TTC28: variants seen among roughly 807,000 people sequenced by gnomAD.
The protein encoded by TTC28 is tetratricopeptide repeat domain 28, also known as tetratricopeptide repeat protein 28.
A neutral mutation model predicts 198.0 loss-of-function variants in TTC28; 61 were observed. The observed-to-expected ratio is 0.31, with a 90% CI of 0.25 to 0.38. TTC28 has a LOEUF of 0.38. Among genes scored for constraint, TTC28 ranks in the 10% least tolerant of loss-of-function variants. The pLI is 1.00. For missense variants in TTC28, 2,678 were observed against 3,164.0 expected (o/e 0.85, Z 3.69); for synonymous variants, 1,171 against 1,297.8 (o/e 0.90, Z 2.10).
intron 5 of TTC28, among the ~76,000 whole-genome samples, chr22:28,263,846 G>A (rs559554693): frequency 6.6e-6 from 1 of 152,198 alleles, no homozygotes; most frequent in South Asian, 2.1e-4. Flanking sequence ...GTAAATGATA[G>A]TGGAAAGGCA....
At chr22:28,313,524 C>A (rs982841829) in intron 2 of TTC28, among the ~76,000 whole-genome samples, 2 of 152,112 alleles carry the variant, frequency 1.3e-5, no homozygotes. Context: ...ACAATCAAGA[C>A]GGCTTCATCC....
rs60298528 is a variant in TTC28, at chr22:28,380,540, T to C, written c.382-73897A>G. 7.5e-3 allele frequency among the ~76,000 whole-genome samples: 1,135 copies of C among 152,292 alleles called. 18 individuals carry two copies. The highest frequency in any genetic ancestry group is 0.026 in the African/African-American group (1,083 of 41,578). Reference sequence around the variant, plus strand: ...AGGACTGGTTTGTGTAATTCTTATGTTGGGTACAAAATCCAGTCTCTTATA... The same window carrying C: ...AGGACTGGTTTGTGTAATTCTTATGCTGGGTACAAAATCCAGTCTCTTATA... On this transcript the variant is annotated intron_variant, in intron 2 of 22. Transcript: ENST00000397906.
At chr22:28,569,678 G>A (rs1462981358) in intron 2 of TTC28, among the ~76,000 whole-genome samples, 1 of 152,042 alleles carries the variant, frequency 6.6e-6, no homozygotes, top group African/African-American at 2.4e-5. Context: ...GACTCCAAAA[G>A]CAATTGCAAC....
Position 28,497,732 on chromosome 22 carries a change from A to G in TTC28, c.381+131820T>C, listed in dbSNP as rs2048477062. The stretch of plus-strand genomic sequence containing the variant: ...AGTTAAATCTTAAACTTCAGTAACT[A>G]AAAATCAATAGATAACTGCTAAAAC... On this transcript the variant is annotated intron_variant, in intron 2 of 22. Coordinates refer to ENST00000397906, the MANE Select transcript of TTC28 (RefSeq NM_001145418.2). Among the ~76,000 whole-genome samples, 12 of 152,322 alleles carry G rather than the reference A, an allele frequency of 7.9e-5. No homozygotes were observed. In the South Asian group the frequency reaches 2.3e-3, roughly 29 times the overall value.
chr22:27,982,147 C>T lies in TTC28; in HGVS notation c.*74G>A. The stretch of plus-strand genomic sequence containing the variant: ...TGCTGGTGGCTGTGGGGGGACTGCA[C>T]TCAGGGAAGGGCTGAAGCAAACGCC... On this transcript the variant is annotated 3_prime_UTR_variant, in exon 23 of 23. Coordinates refer to ENST00000397906, the MANE Select transcript of TTC28 (RefSeq NM_001145418.2). This position sits in a 1 kb window ranked among gnomAD's most constrained non-coding sequence, Gnocchi z 5.2. The T allele has an allele frequency of 7.1e-7, 1 of 1,416,200 alleles. No individual in the cohort carries two copies. The highest frequency in any genetic ancestry group is 1.4e-5 in the African/African-American group (1 of 69,032). The allele number at this position is 1,416,200 out of a possible 1,614,324, so 87.7% of individuals were successfully genotyped here. A position where few individuals can be genotyped will look rare whatever the true frequency, so the allele number is the denominator to read the frequency against.
At chr22:28,145,784 T>A (rs146869566) in intron 6 of TTC28, among the ~76,000 whole-genome samples, 5 of 152,348 alleles carry the variant, frequency 3.3e-5, no homozygotes, top group African/African-American at 1.2e-4. Flanking sequence ...TTTCGACATA[T>A]GATACAAACT....
At chr22:28,652,263 C>T (rs1307943169) in intron 1 of TTC28, among the ~76,000 whole-genome samples, 2 of 152,172 alleles carry the variant, frequency 1.3e-5, no homozygotes, top group African/African-American at 4.8e-5. Context: ...ACAGATAATG[C>T]TTGGTGTACA....
chr22:28,189,269 A>G (rs908012392), intron 5 of TTC28, among the ~76,000 whole-genome samples: 1 of 152,194 alleles, frequency 6.6e-6, no homozygotes, highest in Non-Finnish European at 1.5e-5. Context: ...CAAAAGGAAC[A>G]TTCAGAAAAC....
chr22:28,444,181 T>C (rs997965173), intron 2 of TTC28, among the ~76,000 whole-genome samples: 1 of 152,210 alleles, frequency 6.6e-6, no homozygotes, highest in African/African-American at 2.4e-5. Context: ...AACATGTCTG[T>C]CAACTCCTAA....
At chr22:27,992,515 G>A in intron 19 of TTC28, 72 bp downstream of exon 19, 1 of 1,485,356 alleles carries the variant, frequency 6.7e-7, no homozygotes, top group South Asian at 1.2e-5. Flanking sequence ...TCCTATTTAG[G>A]GCCAAGTTGC....
chr22:28,048,664 CAG>C (rs1343166318), intron 12 of TTC28, among the ~76,000 whole-genome samples: 1 of 152,144 alleles, frequency 6.6e-6, no homozygotes, highest in Non-Finnish European at 1.5e-5. Flanking sequence ...GAGGACAGTG[CAG>C]AGTCTGGTGT....
intron 5 of TTC28, among the ~76,000 whole-genome samples, chr22:28,234,670 G>A (rs1187731900): frequency 6.6e-6 from 1 of 152,098 alleles, no homozygotes; most frequent in Non-Finnish European, 1.5e-5. Context: ...ACTAACGCCC[G>A]GCCTCATCTT....
intron 5 of TTC28, among the ~76,000 whole-genome samples, chr22:28,237,742 T>C (rs1462895696): frequency 6.6e-6 from 1 of 152,216 alleles, no homozygotes; most frequent in Non-Finnish European, 1.5e-5. Context: ...ATCAAGTTTC[T>C]GGTATCATTT....
At chr22:28,312,881 TAGAG>T (rs2045288882) in intron 2 of TTC28, among the ~76,000 whole-genome samples, 1 of 151,710 alleles carries the variant, frequency 6.6e-6, no homozygotes, top group African/African-American at 2.4e-5. Flanking sequence ...CTGAAGGAGA[TAGAG>T]ACACAAAAAA....
chr22:28,270,176 T>C (rs1413567646), intron 5 of TTC28, among the ~76,000 whole-genome samples: 1 of 152,094 alleles, frequency 6.6e-6, no homozygotes, highest in African/African-American at 2.4e-5. Context: ...ACGTAAGGTA[T>C]GTATTGATTC....
At chr22:28,188,380 G>C (rs1263932627) in intron 5 of TTC28, among the ~76,000 whole-genome samples, 1 of 152,108 alleles carries the variant, frequency 6.6e-6, no homozygotes, top group Admixed American at 6.5e-5. Context: ...GCCAATAAAA[G>C]GCAAGCCAAG....
At chr22:28,026,946 G>A (rs892039005) in intron 13 of TTC28, among the ~76,000 whole-genome samples, 2 of 152,198 alleles carry the variant, frequency 1.3e-5, no homozygotes, top group Non-Finnish European at 2.9e-5. Context: ...CTGGATGGGT[G>A]CACCTTACTT....
intron 2 of TTC28, among the ~76,000 whole-genome samples, chr22:28,377,187 A>T (rs1042937377): frequency 6.7e-6 from 1 of 150,336 alleles, no homozygotes; most frequent in African/African-American, 2.4e-5. Flanking sequence ...ATAGGACATA[A>T]TATATTGTAA....
chr22:28,603,536 T>A (rs34323251), intron 2 of TTC28, among the ~76,000 whole-genome samples: 1 of 152,128 alleles, frequency 6.6e-6, no homozygotes, highest in Non-Finnish European at 1.5e-5. Flanking sequence ...TACAGCTACA[T>A]GCCACCATAC....
Sources: allele counts gnomAD v4.1 joint callset (sites outside exome capture counted in the v4.1 genomes callset), GRCh38; gene constraint gnomAD v4.1.1; non-coding constraint Gnocchi (gnomAD v3.1); transcripts MANE v1.5; gene names NCBI Gene and HGNC (gene_info 2026-07-23, HGNC 2026-07-21).